PTPRA: variants seen among roughly 807,000 people sequenced by gnomAD.
PTPRA encodes receptor-type tyrosine-protein phosphatase alpha.
Under a neutral mutation model 104.8 loss-of-function variants are expected in PTPRA, and 25 were observed. The observed-to-expected ratio is 0.24, with a 90% CI of 0.17 to 0.33. PTPRA has a LOEUF of 0.33. PTPRA is among the 10% of genes least tolerant of loss of function. The probability of loss-of-function intolerance (pLI) is 1.00; values close to 1 mark genes in which losing one functional copy is unlikely to be tolerated. For missense variants in PTPRA, 765 were observed against 1,015.3 expected (o/e 0.75, Z 3.35); for synonymous variants, 323 against 368.9 (o/e 0.88, Z 1.43).
chr20:2,931,846 G>T (rs1456291743), intron 2 of PTPRA, among the ~76,000 whole-genome samples: 1 of 152,108 alleles, frequency 6.6e-6, no homozygotes, highest in African/African-American at 2.4e-5. Flanking sequence ...GGCCTCCTGA[G>T]TTGCTGGGAC....
chr20:2,899,213 A>G lies in PTPRA; in HGVS notation c.-128-23994A>G, dbSNP rs137855928. ...TAGCCAGGCGTGGTGACACGCACCT[A>G]TAGTCCTAGCTAGAGTGAGATAGAG... On this transcript the variant is annotated intron_variant, in intron 1 of 23. Transcript: ENST00000399903. Among the ~76,000 whole-genome samples the G allele has an allele frequency of 5.0e-3, 767 of 152,326 alleles. 5 individuals carry two copies. The highest frequency in any genetic ancestry group is 0.018 in the African/African-American group (738 of 41,572).
intron 1 of PTPRA, among the ~76,000 whole-genome samples, chr20:2,906,603 C>A (rs1395316225): frequency 1.3e-5 from 2 of 152,110 alleles, no homozygotes; most frequent in Non-Finnish European, 2.9e-5. Flanking sequence ...GAATGGAGTT[C>A]TTTTCGGAGT....
chr20:2,923,485 C>CG (rs1568655143), intron 2 of PTPRA, among the ~76,000 whole-genome samples, 200 bp downstream of exon 2: 16 of 146,740 alleles, frequency 1.1e-4, no homozygotes, highest in Non-Finnish European at 2.0e-4. Context: ...ACTTGAAGAG[C>CG]TTTTTTTTTT....
At chr20:2,954,136 G>T in intron 3 of PTPRA, among the ~76,000 whole-genome samples, 1 of 146,910 alleles carries the variant, frequency 6.8e-6, no homozygotes, top group South Asian at 2.2e-4. Context: ...GGAGTGCAAT[G>T]GCATGATCTT....
chr20:2,982,027 A>C (rs2062694568), intron 6 of PTPRA, among the ~76,000 whole-genome samples: 1 of 151,836 alleles, frequency 6.6e-6, no homozygotes, highest in African/African-American at 2.4e-5. Context: ...GGGGAAGATG[A>C]AGTAAATTCA....
Position 2,965,139 on chromosome 20 carries a change from A to G in PTPRA, c.352A>G (p.Thr118Ala). 1 of 1,614,216 alleles carries G rather than the reference A, an allele frequency of 6.2e-7. No individual in the cohort carries two copies. Among genetic ancestry groups the G allele is most frequent in the Non-Finnish European group, 8.5e-7 (1 of 1,180,034 alleles). The change falls in exon 5 of 24, where the codon ACA becomes GCA. Residue 118 changes from threonine to alanine, a missense_variant. By Grantham distance (58) the Thr-to-Ala change is moderately conservative. Transcript: ENST00000399903. ...AGATAACCAGTTCACGGATGCCAGAACAGAACCCTGGGAGGGGAATTCCAG... is the reference window on the plus strand; with the variant it reads ...AGATAACCAGTTCACGGATGCCAGAGCAGAACCCTGGGAGGGGAATTCCAG... ...LPDNQFTDAR[T>A]EPWEGNSSTA...
chr20:2,875,342 C>T (rs955857262), intron 1 of PTPRA, among the ~76,000 whole-genome samples: 1 of 152,196 alleles, frequency 6.6e-6, no homozygotes, highest in Non-Finnish European at 1.5e-5. Context: ...GCCCTTCAGT[C>T]TCTTTTCACC....
At chr20:2,868,762 C>T (rs1014070654), upstream of PTPRA, among the ~76,000 whole-genome samples, 1 of 151,012 alleles carries the variant, frequency 6.6e-6, no homozygotes, top group African/African-American at 2.4e-5. Flanking sequence ...TATCAAACAA[C>T]CCAGTTTTCC....
chr20:2,870,443 T>A (rs2089415107), upstream of PTPRA, among the ~76,000 whole-genome samples: 1 of 152,234 alleles, frequency 6.6e-6, no homozygotes. Context: ...TTACTTCACC[T>A]TTCTATCTTA....
At chr20:2,921,322 CTT>C (rs11477373) in intron 1 of PTPRA, among the ~76,000 whole-genome samples, 3,825 of 104,050 alleles carry the variant, frequency 0.037, 83 homozygotes, top group African/African-American at 0.13. Flanking sequence ...TGGGAATGCG[CTT>C]TTTTTTTTTT....
chr20:2,955,193 T>G (rs1405696966), intron 3 of PTPRA, among the ~76,000 whole-genome samples: 1 of 152,220 alleles, frequency 6.6e-6, no homozygotes, highest in Non-Finnish European at 1.5e-5. Flanking sequence ...GTACTATACT[T>G]TGGTTTCATG....
chr20:2,937,223 A>G (rs1406108424), intron 2 of PTPRA, among the ~76,000 whole-genome samples: 1 of 150,496 alleles, frequency 6.6e-6, no homozygotes, highest in Non-Finnish European at 1.5e-5. Flanking sequence ...TCCCGGGTTC[A>G]AGCCATTCTC....
At position 3,015,845 on chromosome 20, in the gene PTPRA, C is replaced by G. The variant is rs777787916; in HGVS notation, c.907-4C>G. 6.4e-7 allele frequency: 1 copy of G among 1,553,026 alleles called. No individual in the cohort carries two copies. Among genetic ancestry groups the G allele is most frequent in the South Asian group, 1.1e-5 (1 of 89,302 alleles). On this transcript the variant is annotated splice_polypyrimidine_tract_variant and splice_region_variant and intron_variant, in intron 11 of 23. Transcript: ENST00000399903. The stretch of plus-strand genomic sequence containing the variant: ...TTCTTTTTCTTTCCTTCCCCACACC[C>G]CAGGGCTACCAAGAAAAGAACAAAT...
intron 1 of PTPRA, among the ~76,000 whole-genome samples, chr20:2,919,304 T>G (rs2060018714): frequency 6.6e-6 from 1 of 152,138 alleles, no homozygotes; most frequent in Non-Finnish European, 1.5e-5. Flanking sequence ...ATTTGCTGGG[T>G]TTTTTCCTCC....
chr20:2,865,579 G>C, the PTPRA span: 2 of 1,245,626 alleles, frequency 1.6e-6, no homozygotes, highest in Non-Finnish European at 2.3e-6. The surrounding 1 kb of genome is among the most constrained non-coding windows in gnomAD (Gnocchi z 5.2). Context: ...AGATAGGATG[G>C]CCCGTTCATG....
intron 1 of PTPRA, among the ~76,000 whole-genome samples, chr20:2,898,120 G>A (rs1487361874): frequency 1.1e-4 from 17 of 151,094 alleles, no homozygotes; most frequent in South Asian, 2.1e-4. Context: ...TTTTTGAGAC[G>A]GAGTCTTGCT....
chr20:2,908,226 C>T (rs2059496322), intron 1 of PTPRA, among the ~76,000 whole-genome samples: 1 of 152,134 alleles, frequency 6.6e-6, no homozygotes, highest in South Asian at 2.1e-4. Context: ...TGTGATCGGT[C>T]CTTAGTTTGG....
chr20:2,956,233 T>G (rs930696235), intron 3 of PTPRA, among the ~76,000 whole-genome samples: 1 of 152,224 alleles, frequency 6.6e-6, no homozygotes, highest in Non-Finnish European at 1.5e-5. Flanking sequence ...CAGTCATTGC[T>G]TCTAAAATCT....
chr20:2,864,961 C>G, the PTPRA span: 1 of 1,614,150 alleles, frequency 6.2e-7, no homozygotes, highest in Non-Finnish European at 8.5e-7. This position sits in a 1 kb window ranked among gnomAD's most constrained non-coding sequence, Gnocchi z 5.2. Context: ...TTCAGGCCTT[C>G]CTTCTTGTCT....
Sources: gnomAD v4.1 joint callset for allele counts (sites outside exome capture counted in the v4.1 genomes callset) on GRCh38, gnomAD v4.1.1 for gene constraint, Gnocchi (gnomAD v3.1) non-coding constraint, MANE v1.5 for transcripts, NCBI Gene and HGNC (gene_info 2026-07-23, HGNC 2026-07-21) for gene names.